UBA2: variants seen among roughly 807,000 people sequenced by gnomAD.
The protein encoded by UBA2 is ubiquitin like modifier activating enzyme 2.
Under a neutral mutation model 77.2 loss-of-function variants are expected in UBA2, and 11 were observed. That is an observed-to-expected ratio of 0.14 (90% confidence interval 0.09 to 0.24). The LOEUF (loss-of-function observed/expected upper bound fraction) is 0.24, where lower values mean the gene tolerates loss of function less well. UBA2 is among the 10% of genes least tolerant of loss of function. UBA2 has a pLI of 1.00. For synonymous variants in UBA2, 278 were observed against 276.7 expected, an observed-to-expected ratio of 1.00 and a Z score of -0.05; for missense variants, 487 against 781.7, an observed-to-expected ratio of 0.62 and a Z score of 4.50.
rs61729883 is a variant in UBA2, at chr19:34,433,377, A to G, written c.323A>G (p.Gln108Arg). 2 of 1,612,380 alleles carry G rather than the reference A, an allele frequency of 1.2e-6. No individual in the cohort carries two copies. Among genetic ancestry groups the G allele is most frequent in the Non-Finnish European group, 1.7e-6 (2 of 1,179,046 alleles). ...GACTATAATGTGGAATTTTTCCGACAGTTTATACTGGTTATGAATGCTTTA... is the reference window on the plus strand; with the variant it reads ...GACTATAATGTGGAATTTTTCCGACGGTTTATACTGGTTATGAATGCTTTA... ...NPDYNVEFFR[Q>R]FILVMNALDN... The change falls in exon 4 of 17, where the codon CAG (glutamine) becomes CGG (arginine). Residue 108 changes from glutamine to arginine, a missense_variant. This residue lies in a region of UBA2 where 66 missense variants were observed against 112.0 expected (regional missense o/e 0.59). Transcript: ENST00000246548.
chr19:34,433,273 G>C lies in UBA2; in HGVS notation c.294-75G>C, dbSNP rs1219270100. 10 of 1,048,680 alleles carry C rather than the reference G, an allele frequency of 9.5e-6. No individual in the cohort carries two copies. The Admixed American group carries it at 2.0e-4, about 21-fold the overall frequency. 65.0% of individuals were successfully genotyped at this position (1,048,680 alleles called of 1,614,324 possible). On this transcript the variant is annotated intron_variant, in intron 3 of 16. Transcript: ENST00000246548. ...GTTTACAGTTACTATGTTTTTTTCA[G>C]AACTGTTTATTATACTGCAAAGATC...
At chr19:34,458,651 C>T (rs2075599099) in intron 12 of UBA2, 118 bp from the exon 13 acceptor site, 2 of 693,812 alleles carry the variant, frequency 2.9e-6, no homozygotes, top group East Asian at 3.8e-5. Flanking sequence ...ATTTTGCCAT[C>T]TGGACGGGAA....
At chr19:34,450,510 G>A in intron 9 of UBA2, 146 bp downstream of exon 9, 1 of 522,236 alleles carries the variant, frequency 1.9e-6, no homozygotes, top group Non-Finnish European at 3.3e-6. Context: ...AGTCACTGAA[G>A]TCCCACACTT....
intron 5 of UBA2, among the ~76,000 whole-genome samples, chr19:34,436,885 A>G (rs943821925): frequency 2.6e-5 from 4 of 152,174 alleles, no homozygotes; most frequent in African/African-American, 9.7e-5. Context: ...TGTGTATGTC[A>G]GTGCGTATTA....
intron 5 of UBA2, among the ~76,000 whole-genome samples, chr19:34,437,546 G>C (rs1195618868): frequency 6.6e-6 from 1 of 152,036 alleles, no homozygotes; most frequent in African/African-American, 2.4e-5. Context: ...GGAGGCAGAG[G>C]TTGTGGTGAG....
chr19:34,444,453 G>T (rs767587293), intron 7 of UBA2, among the ~76,000 whole-genome samples: 4 of 152,184 alleles, frequency 2.6e-5, no homozygotes, highest in African/African-American at 9.6e-5. Flanking sequence ...GCTGCGAGTT[G>T]TTCCTAGATC....
In UBA2 at chr19:34,458,360, C is replaced by T. The variant is rs2075592136; in HGVS notation, c.1246-409C>T. ...CACGAGGTCAGGAGATCGAGACCAT[C>T]CTGGCTAACACGGTGAAACCCCGTC... On this transcript the variant is annotated intron_variant, in intron 12 of 16. Transcript: ENST00000246548. Among the ~76,000 whole-genome samples the T allele has an allele frequency of 2.0e-5, 3 of 151,692 alleles. No individual in the cohort carries two copies. The South Asian group carries it at 6.2e-4, about 32-fold the overall frequency.
At chr19:34,462,489 A>G (rs1266856273) in intron 14 of UBA2, among the ~76,000 whole-genome samples, 2 of 152,184 alleles carry the variant, frequency 1.3e-5, no homozygotes, top group Non-Finnish European at 2.9e-5. Flanking sequence ...AAGAATGCCA[A>G]GGGCATTCCT....
chr19:34,431,873 A>G lies in UBA2; in HGVS notation c.235A>G (p.Ser79Gly), dbSNP rs2075259610. 2.5e-6 allele frequency: 4 copies of G among 1,613,944 alleles called. No homozygotes were observed. Among genetic ancestry groups the G allele is most frequent in the East Asian group, 4.5e-5 (2 of 44,850 alleles). Residue 79 changes from serine to glycine, a missense_variant, in exon 3 of 17, where the codon AGT becomes GGT. Ser to Gly is a moderately conservative substitution (Grantham distance 56). Transcript: ENST00000246548. ...GRSKAQVAKE[S>G]VLQFYPKANI... ...TTTATTTTTCCAGGTTGCCAAGGAA[A>G]GTGTACTGCAGTTTTACCCGAAAGC... is the stretch of plus-strand genomic sequence containing the variant.
At chr19:34,451,486 C>T (rs2075495550) in intron 9 of UBA2, among the ~76,000 whole-genome samples, 3 of 150,182 alleles carry the variant, frequency 2.0e-5, no homozygotes, top group Non-Finnish European at 1.5e-5. Context: ...TCCCAGTAAT[C>T]CTATGAGGTA....
intron 5 of UBA2, among the ~76,000 whole-genome samples, chr19:34,436,379 A>C (rs553146958): frequency 3.8e-4 from 58 of 152,018 alleles, no homozygotes; most frequent in Non-Finnish European, 7.4e-4. Flanking sequence ...AGCTCGCCGC[A>C]ACCTCCGTCT....
At chr19:34,440,350 T>C (rs936983508) in intron 6 of UBA2, among the ~76,000 whole-genome samples, 4 of 152,054 alleles carry the variant, frequency 2.6e-5, no homozygotes, top group African/African-American at 4.8e-5. Flanking sequence ...TGCCTGAATT[T>C]AGCAGTATAC....
At chr19:34,452,352 G>T (rs1217127104) in intron 10 of UBA2, among the ~76,000 whole-genome samples, 1 of 152,132 alleles carries the variant, frequency 6.6e-6, no homozygotes, top group Non-Finnish European at 1.5e-5. Context: ...AACTTCATTT[G>T]GGATTCTAGT....
intron 6 of UBA2, among the ~76,000 whole-genome samples, chr19:34,443,441 C>CTTTTTTTTTTTTTTTTTTTTTTTT (rs35696396): frequency 7.6e-6 from 1 of 132,234 alleles, no homozygotes. Context: ...CCGTTATTCA[C>CTTTTTTTTTTTTTTTTTTTTTTTT]TTTTTTTTTT....
chr19:34,446,608 C>CTTTTTTTTTTTTTTTTTT (rs764109454), intron 8 of UBA2, among the ~76,000 whole-genome samples: 1 of 145,152 alleles, frequency 6.9e-6, no homozygotes, highest in African/African-American at 2.7e-5. Flanking sequence ...TTTTTTTTTT[C>CTTTTTTTTTTTTTTTTTT]TTTCTTTTTT....
rs1284193774 is a variant in UBA2, at chr19:34,458,877, G to A, written c.1354G>A (p.Val452Met). The A allele has an allele frequency of 3.7e-6, 6 of 1,614,012 alleles. No homozygotes were observed. Among genetic ancestry groups the A allele is most frequent in the Non-Finnish European group, 5.1e-6 (6 of 1,180,026 alleles). The change falls in exon 13 of 17, where the codon GTG (valine) becomes ATG (methionine). Residue 452 changes from valine to methionine, a missense_variant. Val to Met is a conservative substitution (Grantham distance 21). Transcript: ENST00000246548. ...ATGTGCCAGCAAGCCAGAGGTGACT[G>A]TGCGGCTGAATGTCCATAAAGTGAC... ...YVCASKPEVT[V>M]RLNVHKVTVL...
At chr19:34,463,356 A>G (rs1278917316) in intron 14 of UBA2, among the ~76,000 whole-genome samples, 2 of 152,172 alleles carry the variant, frequency 1.3e-5, no homozygotes, top group East Asian at 1.9e-4. Flanking sequence ...GTTTTAGGGT[A>G]CTAGGGCCTC....
intron 8 of UBA2, among the ~76,000 whole-genome samples, chr19:34,447,756 GAAT>G (rs2145527654): frequency 6.6e-6 from 1 of 152,282 alleles, no homozygotes; most frequent in South Asian, 2.1e-4. Context: ...TGCAGCCCTT[GAAT>G]AATAAGTTTC....
chr19:34,456,108 T>TTTC (rs1183331526), intron 12 of UBA2, among the ~76,000 whole-genome samples: 4 of 128,898 alleles, frequency 3.1e-5, no homozygotes, highest in African/African-American at 8.6e-5. Flanking sequence ...TTCTTTTTCT[T>TTTC]TTTTTTTTTT....
Sources: allele counts gnomAD v4.1 joint callset (sites outside exome capture counted in the v4.1 genomes callset), GRCh38; gene constraint gnomAD v4.1.1; regional missense constraint gnomAD v4.1.1; transcripts MANE v1.5; gene names NCBI Gene and HGNC (gene_info 2026-07-23, HGNC 2026-07-21).